FRMPD1: variants seen among roughly 807,000 people sequenced by gnomAD.
FRMPD1 encodes FERM and PDZ domain-containing protein 1.
In FRMPD1, 76 loss-of-function variants were observed where a neutral mutation model predicts 117.8. The ratio of observed to expected loss-of-function variants is 0.65; its 90% CI spans 0.54 to 0.78. The LOEUF is 0.78. Among genes scored for constraint, FRMPD1 ranks in the 30% least tolerant of loss-of-function variants. The pLI is 0.00. For missense variants in FRMPD1, 1,786 were observed against 1,964.5 expected (o/e 0.91, Z 1.72); for synonymous variants, 783 against 770.4 (o/e 1.02, Z -0.27).
In FRMPD1 at chr9:37,666,428, C is replaced by G. The variant is rs374946403; in HGVS notation, c.-5+15334C>G. On this transcript the variant is annotated intron_variant, in intron 1 of 15. Transcript: ENST00000377765. ...CGATACCTCCACTTTATTTCACATA[C>G]CTTTTATGCCTCATCGTCTTCATGC... Among the ~76,000 whole-genome samples, 96 of 152,318 alleles carry G rather than the reference C, an allele frequency of 6.3e-4. 1 individual carries two copies. The East Asian group carries it at 0.01, about 16-fold the overall frequency.
At chr9:37,667,369 A>G (rs1821193439) in intron 1 of FRMPD1, among the ~76,000 whole-genome samples, 1 of 150,694 alleles carries the variant, frequency 6.6e-6, no homozygotes, top group South Asian at 2.1e-4. Flanking sequence ...CCAGGCCTGA[A>G]GCAGTTTTAA....
chr9:37,724,918 C>T (rs1823556647), intron 7 of FRMPD1, among the ~76,000 whole-genome samples: 1 of 152,196 alleles, frequency 6.6e-6, no homozygotes, highest in Non-Finnish European at 1.5e-5. Context: ...AGAGTACCAT[C>T]TCTTCCAGCC....
At chr9:37,692,593 A>G (rs771123571) in intron 1 of FRMPD1, 45 bp from the exon 2 acceptor site, 1 of 1,211,052 alleles carries the variant, frequency 8.3e-7, no homozygotes, top group Non-Finnish European at 1.2e-6. Flanking sequence ...AATCCTCTTT[A>G]GAGTATTTTG....
chr9:37,740,415 C>G lies in FRMPD1; in HGVS notation c.1887C>G (p.His629Gln). ...TCSSSRSTFF[H>Q]FGSPGLAESI... ...CCTCCAGCAGGTCCACCTTCTTCCA[C>G]TTTGGCTCGCCAGGCCTCGCAGAGA... The change falls in exon 15 of 16, where the codon CAC becomes CAG. Residue 629 changes from histidine to glutamine, a missense_variant. His to Gln is a conservative substitution (Grantham distance 24, BLOSUM62 0). Coordinates refer to ENST00000377765, the MANE Select transcript of FRMPD1 (RefSeq NM_014907.3). This position sits in a 1 kb window ranked among gnomAD's most constrained non-coding sequence, Gnocchi z 4.2. 6.2e-7 allele frequency: 1 copy of G among 1,614,166 alleles called. No individual in the cohort carries two copies. The highest frequency in any genetic ancestry group is 8.5e-7 in the Non-Finnish European group (1 of 1,180,016).
intron 1 of FRMPD1, among the ~76,000 whole-genome samples, chr9:37,690,632 A>C (rs1822098711): frequency 6.6e-6 from 1 of 152,212 alleles, no homozygotes; most frequent in Non-Finnish European, 1.5e-5. Flanking sequence ...CGAAAATGTC[A>C]ATATCTGAAG....
chr9:37,646,154 T>C (rs1325918), upstream of FRMPD1, among the ~76,000 whole-genome samples: 27,525 of 152,186 alleles, frequency 0.18, 3,106 homozygotes, highest in African/African-American at 0.31. Context: ...CTTGGCTCAC[T>C]GAAGCCTTGA....
intron 1 of FRMPD1, among the ~76,000 whole-genome samples, chr9:37,664,172 C>G (rs1252340261): frequency 6.6e-6 from 1 of 151,770 alleles, no homozygotes; most frequent in Non-Finnish European, 1.5e-5. Context: ...GAGTGGAGGG[C>G]ACCGAGATGA....
At chr9:37,734,193 A>G (rs942196320) in intron 12 of FRMPD1, among the ~76,000 whole-genome samples, 3 of 152,200 alleles carry the variant, frequency 2.0e-5, no homozygotes, top group African/African-American at 7.2e-5. Flanking sequence ...GGTTAAGGAA[A>G]GAGGCAAGAG....
At chr9:37,693,049 C>A in intron 2 of FRMPD1, 1 of 391,326 alleles carries the variant, frequency 2.6e-6, no homozygotes, top group Admixed American at 3.9e-5. Flanking sequence ...TACGCACATG[C>A]ATATACACTC....
In FRMPD1 at chr9:37,715,400, C is replaced by A. The variant is rs1423497566; in HGVS notation, c.409-3669C>A. 2.0e-5 allele frequency among the ~76,000 whole-genome samples: 3 copies of A among 152,166 alleles called. No individual in the cohort carries two copies. In the East Asian group the frequency reaches 5.8e-4, roughly 29 times the overall value. ...ATTCCTTAGTGATATGCTGTTGTAC[C>A]TCTGTAAACCCTGCTGCCTTTGTGA... On this transcript the variant is annotated intron_variant, in intron 5 of 15. Transcript: ENST00000377765.
At position 37,740,713 on chromosome 9, in the gene FRMPD1, C is replaced by T. The variant is rs779861632; in HGVS notation, c.2185C>T (p.Arg729Trp). 28 of 1,613,872 alleles carry T rather than the reference C, an allele frequency of 1.7e-5. No homozygotes were observed. Among genetic ancestry groups the T allele is most frequent in the Admixed American group, 1.5e-4 (9 of 59,982 alleles). ...TGACAGTTCCGAGAGTACAGCTTCCCGGCAAGGGGGAGCCCCGCCAGCCTG... is the reference window on the plus strand; with the variant it reads ...TGACAGTTCCGAGAGTACAGCTTCCTGGCAAGGGGGAGCCCCGCCAGCCTG... ...LSDSSESTAS[R>W]QGGAPPAWGQ... The change falls in exon 15 of 16, where the codon CGG (arginine) becomes TGG (tryptophan). Residue 729 changes from arginine (R) to tryptophan (W), a missense_variant. Physicochemically the swap from Arg to Trp is moderately radical, Grantham distance 101. Transcript: ENST00000377765. The surrounding 1 kb of genome is among the most constrained non-coding windows in gnomAD (Gnocchi z 4.2).
the FRMPD1 span, among the ~76,000 whole-genome samples, chr9:37,610,923 A>T: frequency 6.6e-6 from 1 of 152,182 alleles, no homozygotes; most frequent in African/African-American, 2.4e-5. Flanking sequence ...TTAAACAAAG[A>T]TACATTGTAT....
In FRMPD1 at chr9:37,666,128, T is replaced by C. The variant is rs567166124; in HGVS notation, c.-5+15034T>C. Among the ~76,000 whole-genome samples, 11 of 152,244 alleles carry C rather than the reference T, an allele frequency of 7.2e-5. No individual in the cohort carries two copies. The South Asian group carries it at 1.0e-3, about 14-fold the overall frequency. On this transcript the variant is annotated intron_variant, in intron 1 of 15. Coordinates refer to ENST00000377765, the MANE Select transcript of FRMPD1 (RefSeq NM_014907.3). ...CCTGGTCTCCGTGTGGGGCAGAACA[T>C]AGCAAATTTTAGGTAGGTAGTAGGA...
chr9:37,633,067 C>G, the FRMPD1 span, among the ~76,000 whole-genome samples: 2 of 150,026 alleles, frequency 1.3e-5, no homozygotes, highest in African/African-American at 4.9e-5. Context: ...GGAGTTCTCG[C>G]TCTGTCCCCC....
chr9:37,692,859 C>T (rs1822192293), intron 2 of FRMPD1, 117 bp downstream of exon 2: 4 of 773,334 alleles, frequency 5.2e-6, no homozygotes, highest in South Asian at 2.9e-5. Context: ...TTTGTTCTTA[C>T]ACCATATGGT....
chr9:37,659,869 C>T (rs958149407), intron 1 of FRMPD1, among the ~76,000 whole-genome samples: 3 of 148,892 alleles, frequency 2.0e-5, no homozygotes, highest in Non-Finnish European at 3.0e-5. Flanking sequence ...TGCTTTTCTC[C>T]ACAAAGAGAG....
At chr9:37,637,496 A>G in the FRMPD1 span, among the ~76,000 whole-genome samples, 1 of 152,216 alleles carries the variant, frequency 6.6e-6, no homozygotes, top group South Asian at 2.1e-4. Flanking sequence ...GAGATACAGA[A>G]TAGTTCCATC....
At chr9:37,729,895 G>A (rs528766047) in intron 8 of FRMPD1, 42 bp downstream of exon 8, 2 of 1,601,688 alleles carry the variant, frequency 1.2e-6, no homozygotes, top group African/African-American at 2.7e-5. Flanking sequence ...GCATGGGCTG[G>A]GCTGGCTGCA....
the FRMPD1 span, among the ~76,000 whole-genome samples, chr9:37,616,705 G>A: frequency 6.6e-6 from 1 of 152,188 alleles, no homozygotes; most frequent in Non-Finnish European, 1.5e-5. Flanking sequence ...GAAAAATCTA[G>A]TATCAGAAGT....
Sources: gnomAD v4.1 joint callset for allele counts (sites outside exome capture counted in the v4.1 genomes callset) on GRCh38, gnomAD v4.1.1 for gene constraint, Gnocchi (gnomAD v3.1) non-coding constraint, MANE v1.5 for transcripts, NCBI Gene and HGNC (gene_info 2026-07-23, HGNC 2026-07-21) for gene names.